Variants in LHX8 observed in about 807,000 individuals in gnomAD.
LHX8 encodes LIM/homeobox protein Lhx8.
Under a neutral mutation model 40.3 loss-of-function variants are expected in LHX8, and 12 were observed. The ratio of observed to expected loss-of-function variants is 0.30; its 90% CI spans 0.19 to 0.48. LHX8 has a LOEUF of 0.48. Ranked by LOEUF, LHX8 falls within the 20% of genes least tolerant of loss-of-function variation. LHX8 has a pLI of 0.99. For synonymous variants in LHX8, 179 were observed against 162.0 expected, an observed-to-expected ratio of 1.10 and a Z score of -0.80; for missense variants, 344 against 433.7, an observed-to-expected ratio of 0.79 and a Z score of 1.84.
At chr1:75,135,484 AAGGG>A (rs2100328410) in intron 1 of LHX8, among the ~76,000 whole-genome samples, 1 of 152,198 alleles carries the variant, frequency 6.6e-6, no homozygotes, top group South Asian at 2.1e-4. Flanking sequence ...GCACCCCAGA[AAGGG>A]AGGGTCTCGG....
chr1:75,169,036 C>A, the LHX8 span, among the ~76,000 whole-genome samples: 13 of 152,244 alleles, frequency 8.5e-5, no homozygotes, highest in South Asian at 2.7e-3. Context: ...TGAAACCCCC[C>A]CTGTGGCTTT....
chr1:75,135,024 G>A (rs182682242), intron 1 of LHX8, 70 bp downstream of exon 1: 1 of 751,900 alleles, frequency 1.3e-6, no homozygotes, highest in Non-Finnish European at 1.6e-6. Flanking sequence ...GGGAGGACTG[G>A]GCGGCTGTCG....
chr1:75,160,960 A>G lies in LHX8; in HGVS notation c.*65A>G. ...TGTCATTTATTATGTATAAAATACC[A>G]TTGAAAAGATATTACTGTTAATTTT... is the stretch of plus-strand genomic sequence containing the variant. On this transcript the variant is annotated 3_prime_UTR_variant, in exon 9 of 9. Transcript: ENST00000356261. 5.1e-6 allele frequency: 6 copies of G among 1,181,766 alleles called. No individual in the cohort carries two copies. Among genetic ancestry groups the G allele is most frequent in the Non-Finnish European group, 7.6e-6 (6 of 789,052 alleles). The allele number at this position is 1,181,766 out of a possible 1,614,324, so 73.2% of individuals were successfully genotyped here. A position where few individuals can be genotyped will look rare whatever the true frequency, so the allele number is the denominator to read the frequency against.
At chr1:75,180,491 A>G in the LHX8 span, among the ~76,000 whole-genome samples, 1 of 152,184 alleles carries the variant, frequency 6.6e-6, no homozygotes, top group African/African-American at 2.4e-5. Flanking sequence ...TCAGGTACTG[A>G]TGCTTTTGCA....
chr1:75,130,050 C>G (rs935691563), upstream of LHX8: 1 of 154,262 alleles, frequency 6.5e-6, no homozygotes, highest in Non-Finnish European at 1.4e-5. Flanking sequence ...AAACCGGCAC[C>G]TCCAAACCAC....
upstream of LHX8, chr1:75,130,275 T>G: frequency 4.6e-6 from 1 of 215,152 alleles, no homozygotes; most frequent in Non-Finnish European, 9.6e-6. Context: ...GAGAGCTTAC[T>G]GGCGCTCTGC....
chr1:75,178,263 T>A, the LHX8 span, among the ~76,000 whole-genome samples: 1 of 152,220 alleles, frequency 6.6e-6, no homozygotes, highest in Non-Finnish European at 1.5e-5. Context: ...AGCTCCTTTT[T>A]GTAACTCTGG....
At chr1:75,167,607 C>A in the LHX8 span, among the ~76,000 whole-genome samples, 4 of 152,198 alleles carry the variant, frequency 2.6e-5, no homozygotes, top group East Asian at 3.9e-4. Flanking sequence ...GTGTTCCCAT[C>A]ATTTCCTCAA....
chr1:75,136,394 G>T (rs1648129351), intron 1 of LHX8, among the ~76,000 whole-genome samples: 1 of 151,740 alleles, frequency 6.6e-6, no homozygotes, highest in Non-Finnish European at 1.5e-5. Flanking sequence ...AGCTACCAGC[G>T]CTCGGGTGGC....
intron 3 of LHX8, among the ~76,000 whole-genome samples, chr1:75,139,117 T>C (rs1236167934): frequency 1.3e-5 from 2 of 152,096 alleles, no homozygotes; most frequent in East Asian, 1.9e-4. Context: ...AAAAACACTA[T>C]CTTGTGAGGC....
rs879120230 is a variant in LHX8, at chr1:75,140,839, TA to T, written c.238-137del. The T allele has an allele frequency of 9.6e-4, 759 of 792,102 alleles. 4 individuals carry two copies. The highest frequency in any genetic ancestry group is 5.4e-3 in the South Asian group (327 of 60,978). 49.1% of individuals were successfully genotyped at this position (792,102 alleles called of 1,614,324 possible). On this transcript the variant is annotated intron_variant, in intron 3 of 8. Coordinates refer to ENST00000356261, the MANE Select transcript of LHX8 (RefSeq NM_001256114.2). ...ATACATGTTTACAAAAATGACATCT[TA>T]AAAAAAAATGACATCTTTTGGATGA...
the LHX8 span, among the ~76,000 whole-genome samples, chr1:75,180,104 T>C: frequency 7.9e-5 from 12 of 152,284 alleles, no homozygotes; most frequent in Middle Eastern, 3.4e-3. Context: ...CCGACCTTTC[T>C]CTCTGGCTGC....
the LHX8 span, among the ~76,000 whole-genome samples, chr1:75,192,894 A>G: frequency 6.6e-6 from 1 of 152,050 alleles, no homozygotes; most frequent in East Asian, 1.9e-4. Flanking sequence ...GGGTTTTGCC[A>G]TGTTGGCCAG....
chr1:75,180,157 A>T, the LHX8 span, among the ~76,000 whole-genome samples: 1 of 152,052 alleles, frequency 6.6e-6, no homozygotes. Context: ...TGAATCTGAC[A>T]ATAATGTGTC....
intron 4 of LHX8, among the ~76,000 whole-genome samples, chr1:75,141,442 G>A (rs915189159): frequency 2.6e-5 from 4 of 152,034 alleles, no homozygotes; most frequent in African/African-American, 9.7e-5. Context: ...CCCCTGTTTG[G>A]TGGGAATGGT....
At chr1:75,166,317 G>T (rs1328958196), downstream of LHX8, among the ~76,000 whole-genome samples, 1 of 152,192 alleles carries the variant, frequency 6.6e-6, no homozygotes, top group Non-Finnish European at 1.5e-5. Flanking sequence ...TGATCTTAAA[G>T]AATTATTCAG....
the LHX8 span, among the ~76,000 whole-genome samples, chr1:75,186,541 G>A: frequency 1.4e-4 from 22 of 152,252 alleles, no homozygotes; most frequent in East Asian, 4.3e-3. Flanking sequence ...CATGATAAAA[G>A]GCTGCAAGGA....
At chr1:75,131,728 A>T (rs987733207), upstream of LHX8, 1 of 152,154 alleles carries the variant, frequency 6.6e-6, no homozygotes, top group Admixed American at 6.6e-5. Context: ...CCCTGCCCCC[A>T]TCTGTTTTTA....
At chr1:75,164,964 C>T (rs1338480172), downstream of LHX8, among the ~76,000 whole-genome samples, 2 of 152,126 alleles carry the variant, frequency 1.3e-5, no homozygotes, top group East Asian at 1.9e-4. Flanking sequence ...TGAGCCACTA[C>T]GTCCAGCCGA....
Sources: gnomAD v4.1 joint callset for allele counts (sites outside exome capture counted in the v4.1 genomes callset) on GRCh38, gnomAD v4.1.1 for gene constraint, MANE v1.5 for transcripts, NCBI Gene and HGNC (gene_info 2026-07-23, HGNC 2026-07-21) for gene names.